Variants in PPP1R9A observed in about 807,000 individuals in gnomAD.
PPP1R9A encodes the protein protein phosphatase 1 regulatory subunit 9A, also known as neurabin-1.
Under a neutral mutation model 141.9 loss-of-function variants are expected in PPP1R9A, and 59 were observed. The ratio of observed to expected loss-of-function variants is 0.42; its 90% confidence interval spans 0.34 to 0.52. The LOEUF (loss-of-function observed/expected upper bound fraction) is 0.52. Among genes scored for constraint, PPP1R9A ranks in the 20% least tolerant of loss-of-function variants. PPP1R9A has a pLI of 0.10. For missense variants in PPP1R9A, 1,444 were observed against 1,611.9 expected, an observed-to-expected ratio of 0.90 and a Z score of 1.78; for synonymous variants, 500 against 569.7, an observed-to-expected ratio of 0.88 and a Z score of 1.74.
chr7:95,233,666 T>G (rs1796287633), intron 8 of PPP1R9A, among the ~76,000 whole-genome samples: 1 of 152,100 alleles, frequency 6.6e-6, no homozygotes, highest in South Asian at 2.1e-4. Context: ...GAATCCTTCC[T>G]AAATCACTCT....
intron 5 of PPP1R9A, among the ~76,000 whole-genome samples, chr7:95,192,621 T>C (rs1835674604): frequency 6.6e-6 from 1 of 152,084 alleles, no homozygotes; most frequent in Non-Finnish European, 1.5e-5. Context: ...TTCTGGTTAG[T>C]ATACTCATTT....
At chr7:95,261,579 A>G (rs1800437362) in intron 12 of PPP1R9A, among the ~76,000 whole-genome samples, 3 of 152,086 alleles carry the variant, frequency 2.0e-5, no homozygotes, top group Non-Finnish European at 4.4e-5. Context: ...GTTTTAAGTT[A>G]ATGTTTGATT....
At chr7:95,232,903 G>A (rs1796174519) in intron 8 of PPP1R9A, among the ~76,000 whole-genome samples, 1 of 152,074 alleles carries the variant, frequency 6.6e-6, no homozygotes. Flanking sequence ...AAATAGGAAT[G>A]CTTTTACACT....
intron 2 of PPP1R9A, chr7:95,036,336 C>CA (rs1230374063): frequency 6.6e-6 from 1 of 152,032 alleles, no homozygotes; most frequent in East Asian, 1.9e-4. Context: ...GTCCAGGAAA[C>CA]AAAAATTACA....
intron 6 of PPP1R9A, among the ~76,000 whole-genome samples, chr7:95,199,402 CCTT>C (rs1789027649): frequency 6.6e-6 from 1 of 152,066 alleles, no homozygotes; most frequent in African/African-American, 2.4e-5. Flanking sequence ...GTATTCAACC[CCTT>C]CTTATCTGAA....
At chr7:95,125,505 CTAA>C (rs1343987622) in intron 4 of PPP1R9A, among the ~76,000 whole-genome samples, 14 of 152,158 alleles carry the variant, frequency 9.2e-5, no homozygotes, top group Non-Finnish European at 1.5e-4. Context: ...CTTTCACACA[CTAA>C]TGATTTTCCA....
chr7:94,999,743 T>C (rs1802628794), intron 2 of PPP1R9A, among the ~76,000 whole-genome samples: 1 of 151,850 alleles, frequency 6.6e-6, no homozygotes, highest in Non-Finnish European at 1.5e-5. Context: ...ACAAGAAGAA[T>C]AGCATCACTA....
chr7:95,256,773 G>T (rs1192347355), intron 12 of PPP1R9A, among the ~76,000 whole-genome samples: 2 of 152,002 alleles, frequency 1.3e-5, no homozygotes, highest in Non-Finnish European at 2.9e-5. Context: ...AATTAACAGG[G>T]TAGATGGATT....
At chr7:94,955,699 G>A (rs1392715601) in intron 2 of PPP1R9A, among the ~76,000 whole-genome samples, 4 of 152,100 alleles carry the variant, frequency 2.6e-5, no homozygotes, top group African/African-American at 9.7e-5. Flanking sequence ...CTAGGACTTA[G>A]GAGTTCTTCA....
At chr7:95,135,091 C>T (rs900811337) in intron 4 of PPP1R9A, among the ~76,000 whole-genome samples, 3 of 152,084 alleles carry the variant, frequency 2.0e-5, no homozygotes, top group Non-Finnish European at 4.4e-5. Context: ...TTATTCATAC[C>T]TTTCTTAGCA....
chr7:95,098,120 C>G (rs1818279070), intron 2 of PPP1R9A: 1 of 152,144 alleles, frequency 6.6e-6, no homozygotes, highest in Non-Finnish European at 1.5e-5. Context: ...TGATTTTGAA[C>G]TTTAATCGCA....
intron 2 of PPP1R9A, among the ~76,000 whole-genome samples, chr7:95,076,039 T>A (rs1365959783): frequency 6.6e-6 from 1 of 152,156 alleles, no homozygotes; most frequent in African/African-American, 2.4e-5. Context: ...AAATATGTCA[T>A]CTTTACGAAA....
intron 2 of PPP1R9A, among the ~76,000 whole-genome samples, chr7:94,991,682 G>A (rs1012891913): frequency 6.6e-6 from 1 of 151,404 alleles, no homozygotes; most frequent in African/African-American, 2.4e-5. Flanking sequence ...ACAGAGTCTC[G>A]CTCTGTCACC....
At chr7:95,056,209 G>A (rs989948492) in intron 2 of PPP1R9A, among the ~76,000 whole-genome samples, 1 of 151,994 alleles carries the variant, frequency 6.6e-6, no homozygotes, top group African/African-American at 2.4e-5. Context: ...GGATTTGTGT[G>A]CTAAAGAACT....
intron 4 of PPP1R9A, among the ~76,000 whole-genome samples, chr7:95,134,623 T>C (rs148825827): frequency 0.01 from 1,590 of 152,134 alleles, 25 homozygotes; most frequent in African/African-American, 0.037. Flanking sequence ...TTAATAGAGA[T>C]GGGGTTTCTT....
intron 3 of PPP1R9A, among the ~76,000 whole-genome samples, chr7:95,116,148 T>C (rs1403337620): frequency 6.6e-6 from 1 of 152,188 alleles, no homozygotes; most frequent in Non-Finnish European, 1.5e-5. Flanking sequence ...CCTAAATTTA[T>C]GCAAACTATA....
intron 4 of PPP1R9A, among the ~76,000 whole-genome samples, chr7:95,149,267 C>T (rs540428082): frequency 1.3e-5 from 2 of 152,020 alleles, no homozygotes; most frequent in South Asian, 4.2e-4. Flanking sequence ...AAAATACCTA[C>T]AAAACACCTA....
intron 2 of PPP1R9A, among the ~76,000 whole-genome samples, chr7:95,005,200 T>C (rs2151559235): frequency 6.6e-6 from 1 of 152,252 alleles, no homozygotes; most frequent in South Asian, 2.1e-4. Context: ...TTTTAATTTT[T>C]TCATTTTTTC....
intron 4 of PPP1R9A, among the ~76,000 whole-genome samples, chr7:95,140,554 A>T (rs1826472271): frequency 6.6e-6 from 1 of 151,762 alleles, no homozygotes; most frequent in African/African-American, 2.4e-5. Flanking sequence ...GTGCCCAGCT[A>T]ATTTTTTTGT....
Sources: gnomAD v4.1 joint callset for allele counts (sites outside exome capture counted in the v4.1 genomes callset) on GRCh38, gnomAD v4.1.1 for gene constraint, MANE v1.5 for transcripts, NCBI Gene and HGNC (gene_info 2026-07-23, HGNC 2026-07-21) for gene names.